DYRK3: variants seen among roughly 807,000 people sequenced by gnomAD.
The protein encoded by DYRK3 is dual specificity tyrosine-phosphorylation-regulated kinase 3.
In DYRK3, 30 loss-of-function variants were observed where a neutral mutation model predicts 40.8. That is an observed-to-expected ratio of 0.74 (90% CI 0.55 to 1.00). The LOEUF is 1.00. Among genes scored for constraint, DYRK3 ranks in the 50% least tolerant of loss-of-function variants. The pLI, the probability that DYRK3 is intolerant of heterozygous loss-of-function variation, is 0.00. For synonymous variants in DYRK3, 272 were observed against 260.7 expected, an observed-to-expected ratio of 1.04 and a Z score of -0.42; for missense variants, 699 against 731.5, an observed-to-expected ratio of 0.96 and a Z score of 0.51.
rs1553420423 is a variant in DYRK3, at chr1:206,647,839, T to G, written c.641T>G (p.Ile214Ser). The G allele has an allele frequency of 6.2e-7, 1 of 1,614,042 alleles. No individual in the cohort carries two copies. The highest frequency in any genetic ancestry group is 8.5e-7 in the Non-Finnish European group (1 of 1,180,002). The stretch of plus-strand genomic sequence containing the variant: ...GCTTATCGATATGAGGTGCTGAAAA[T>G]TATTGGCAAGGGGAGTTTTGGGCAG... The part of the protein sequence containing the change: ...HLAYRYEVLK[I>S]IGKGSFGQVA... Residue 214 changes from isoleucine (I) to serine (S), a missense_variant, in exon 3 of 3, where the codon ATT becomes AGT. Coordinates refer to ENST00000367109, the MANE Select transcript of DYRK3 (RefSeq NM_003582.4).
chr1:206,648,252 A>C lies in DYRK3; in HGVS notation c.1054A>C (p.Lys352Gln). ...GAAACACCACGGGCGCAGTTCAACCAAGGTCATTGACTTTGGGTCCAGCTG... is the reference window on the plus strand; with the variant it reads ...GAAACACCACGGGCGCAGTTCAACCCAGGTCATTGACTTTGGGTCCAGCTG... ...LLKHHGRSST[K>Q]VIDFGSSCFE... Residue 352 changes from lysine to glutamine, a missense_variant, in exon 3 of 3, where the codon AAG (lysine) becomes CAG (glutamine). By Grantham distance (53) the Lys-to-Gln change is moderately conservative (BLOSUM62 1). Coordinates refer to ENST00000367109, the MANE Select transcript of DYRK3 (RefSeq NM_003582.4). 6.2e-7 allele frequency: 1 copy of C among 1,614,162 alleles called. No homozygotes were observed.
rs556718022 is a variant in DYRK3 at position 206,644,031 on chromosome 1, CTT to C, written c.190-3337_190-3336del. Among the ~76,000 whole-genome samples the C allele has an allele frequency of 2.9e-3, 297 of 101,030 alleles. 1 individual carries two copies. The highest frequency in any genetic ancestry group is 5.9e-3 in the African/African-American group (157 of 26,444). 66.3% of individuals were successfully genotyped at this position (101,030 alleles called of 152,430 possible). On this transcript the variant is annotated intron_variant, in intron 2 of 2. Transcript: ENST00000367109. ...TCAGGAAGGCAACAGGGACCTACAG[CTT>C]TTTTTTTTTTTTTTTTTTTGAGAAG...
Position 206,651,585 on chromosome 1 carries a change from T to C in DYRK3, c.*2620T>C, listed in dbSNP as rs951567695. Among the ~76,000 whole-genome samples, 1 of 152,218 alleles carries C rather than the reference T, an allele frequency of 6.6e-6. No homozygotes were observed. The highest frequency in any genetic ancestry group is 1.5e-5 in the Non-Finnish European group (1 of 68,038). ...CTCTTTCAGTAGATATGAGCTTACATTGACTTATGAATGGTTTTCCTGTAG... is the reference window on the plus strand; with the variant it reads ...CTCTTTCAGTAGATATGAGCTTACACTGACTTATGAATGGTTTTCCTGTAG... On this transcript the variant is annotated 3_prime_UTR_variant, in exon 3 of 3. Transcript: ENST00000367109.
chr1:206,638,147 G>A (rs577353830), intron 2 of DYRK3, among the ~76,000 whole-genome samples: 1 of 151,962 alleles, frequency 6.6e-6, no homozygotes, highest in Non-Finnish European at 1.5e-5. Context: ...TTTTTCCCCT[G>A]CACGGTGGAA....
At position 206,651,179 on chromosome 1, in the gene DYRK3, ATCC is replaced by A. The variant is rs1457857085; in HGVS notation, c.*2220_*2222del. On this transcript the variant is annotated 3_prime_UTR_variant, in exon 3 of 3. Transcript: ENST00000367109. ...TCACACTAAATGCTGCTCATAACCC[ATCC>A]TCCTCTTCTTTATTCATCACTGCCT... Among the ~76,000 whole-genome samples the A allele has an allele frequency of 2.0e-5, 3 of 152,160 alleles. No homozygotes were observed. The highest frequency in any genetic ancestry group is 6.5e-5 in the Admixed American group (1 of 15,278).
intron 2 of DYRK3, among the ~76,000 whole-genome samples, chr1:206,639,951 T>TTTTTC (rs1558555580): frequency 1.8e-4 from 26 of 148,162 alleles, no homozygotes; most frequent in African/African-American, 6.3e-4. Context: ...TTTTTTTTTT[T>TTTTTC]TGAGACCGAG....
chr1:206,652,648 A>C lies in DYRK3; in HGVS notation c.*3683A>C, dbSNP rs1553421456. 6.6e-6 allele frequency among the ~76,000 whole-genome samples: 1 copy of C among 152,164 alleles called. No individual in the cohort carries two copies. The highest frequency in any genetic ancestry group is 1.5e-5 in the Non-Finnish European group (1 of 68,024). On this transcript the variant is annotated 3_prime_UTR_variant, in exon 3 of 3. Coordinates refer to ENST00000367109, the MANE Select transcript of DYRK3 (RefSeq NM_003582.4). ...GTTTGAGGAGAGTGGGCTGCTTAAAAACATGGTGCTCGTCCACATGGATTT... is the reference window on the plus strand; with the variant it reads ...GTTTGAGGAGAGTGGGCTGCTTAAACACATGGTGCTCGTCCACATGGATTT...
At chr1:206,642,545 A>T (rs1671320627) in intron 2 of DYRK3, among the ~76,000 whole-genome samples, 1 of 152,240 alleles carries the variant, frequency 6.6e-6, no homozygotes, top group African/African-American at 2.4e-5. Flanking sequence ...TTCATCAATG[A>T]TAGACTGGAT....
intron 2 of DYRK3, among the ~76,000 whole-genome samples, chr1:206,641,390 G>A (rs1234143433): frequency 6.6e-6 from 1 of 150,518 alleles, no homozygotes; most frequent in Non-Finnish European, 1.5e-5. Context: ...ATTCCATCCA[G>A]GTTGCTGTGA....
At chr1:206,636,065 G>A in intron 1 of DYRK3, 2 of 1,536,046 alleles carry the variant, frequency 1.3e-6, no homozygotes, top group Middle Eastern at 1.7e-4. Context: ...TATATGTTAA[G>A]GGATTACGAA....
rs1182152628 is a variant in DYRK3, at chr1:206,635,559, G to A, written c.-145G>A. The A allele has an allele frequency of 4.6e-6, 5 of 1,078,202 alleles. No homozygotes were observed. In the South Asian group the frequency reaches 1.9e-4, roughly 42 times the overall value. The allele number at this position is 1,078,202 out of a possible 1,614,324, so 66.8% of individuals were successfully genotyped here. A position where few individuals can be genotyped will look rare whatever the true frequency, so the allele number is the denominator to read the frequency against. ...CCACTTCCCAGCCGGGGCCAGTCGG[G>A]AGCGAAAGTGCGCTGAGCTGCAGTG... On this transcript the variant is annotated 5_prime_UTR_variant, in exon 1 of 3. Transcript: ENST00000367109.
chr1:206,646,526 T>C (rs1671459904), intron 2 of DYRK3, among the ~76,000 whole-genome samples: 1 of 152,188 alleles, frequency 6.6e-6, no homozygotes, highest in African/African-American at 2.4e-5. Flanking sequence ...GGACCCTCAC[T>C]GTTATCAGGT....
intron 2 of DYRK3, among the ~76,000 whole-genome samples, chr1:206,639,663 T>A (rs1252200287): frequency 1.3e-5 from 2 of 151,682 alleles, no homozygotes; most frequent in African/African-American, 4.8e-5. Flanking sequence ...GGTTTCACTG[T>A]ATTGGTCAGG....
At chr1:206,642,830 C>T (rs572643657) in intron 2 of DYRK3, among the ~76,000 whole-genome samples, 9 of 151,828 alleles carry the variant, frequency 5.9e-5, no homozygotes, top group South Asian at 2.1e-4. Flanking sequence ...ATGTAAATGA[C>T]GAGTTAATGG....
chr1:206,648,579 A>AG lies in DYRK3; in HGVS notation c.1384dup (p.Val462GlyfsTer10). On this transcript the variant is annotated frameshift_variant, in exon 3 of 3. Transcript: ENST00000367109. LOFTEE classifies it high-confidence loss of function. ...CTCTGTGACTACCCAGGCAGATGGG[A>AG]GGGTTGTGCTTGTGGGGGGTCGCTC... 1 of 1,614,042 alleles carries AG rather than the reference A, an allele frequency of 6.2e-7. No homozygotes were observed. Among genetic ancestry groups the AG allele is most frequent in the Non-Finnish European group, 8.5e-7 (1 of 1,179,982 alleles).
chr1:206,644,669 A>G (rs1671397114), intron 2 of DYRK3, among the ~76,000 whole-genome samples: 1 of 152,128 alleles, frequency 6.6e-6, no homozygotes, highest in Admixed American at 6.5e-5. Context: ...CCTCCCAAGT[A>G]GCTGGGAATG....
At position 206,647,735 on chromosome 1, in the gene DYRK3, T is replaced by C. The variant is rs566868182; in HGVS notation, c.537T>C (p.His179=). The change falls in exon 3 of 3, where the codon CAT becomes CAC. Residue 179 remains histidine, a synonymous_variant. Coordinates refer to ENST00000367109, the MANE Select transcript of DYRK3 (RefSeq NM_003582.4). ...TAGGTCCAAATGCCAAGAAAAGACA[T>C]GGAGTTATTGGTGGTCCCAATAATG... ...YFVGPNAKKR[H]GVIGGPNNGG... is the part of the protein sequence containing the mutation. 32 of 1,614,006 alleles carry C rather than the reference T, an allele frequency of 2.0e-5. No individual in the cohort carries two copies. The East Asian group carries it at 5.3e-4, about 27-fold the overall frequency.
At chr1:206,645,454 A>T (rs530694123) in intron 2 of DYRK3, among the ~76,000 whole-genome samples, 1 of 151,766 alleles carries the variant, frequency 6.6e-6, no homozygotes, top group East Asian at 1.9e-4. Flanking sequence ...TTTATTTTTA[A>T]GAACAGATTT....
chr1:206,639,465 A>T (rs1553418944), intron 2 of DYRK3, among the ~76,000 whole-genome samples: 9 of 118,534 alleles, frequency 7.6e-5, no homozygotes, highest in African/African-American at 1.3e-4. Context: ...ATTTTAACTG[A>T]TTTTTTTTTT....
Sources: allele counts gnomAD v4.1 joint callset (sites outside exome capture counted in the v4.1 genomes callset), GRCh38; gene constraint gnomAD v4.1.1; transcripts MANE v1.5; gene names NCBI Gene and HGNC (gene_info 2026-07-23, HGNC 2026-07-21).